The following PDE4B variants were observed in gnomAD, a reference collection of about 807,000 sequenced individuals.
PDE4B encodes 3',5'-cyclic-AMP phosphodiesterase 4B.
A neutral mutation model predicts 82.2 loss-of-function variants in PDE4B; 20 were observed. The observed-to-expected ratio is 0.24, with a 90% CI of 0.17 to 0.35. The LOEUF (loss-of-function observed/expected upper bound fraction) is 0.35. Ranked by LOEUF, PDE4B falls within the 10% of genes least tolerant of loss-of-function variation. The pLI is 1.00. For synonymous variants in PDE4B, 320 were observed against 318.9 expected (o/e 1.00, Z -0.04); for missense variants, 655 against 907.2 (o/e 0.72, Z 3.57).
intron 7 of PDE4B, among the ~76,000 whole-genome samples, chr1:66,290,158 C>T (rs569020505): frequency 6.6e-6 from 1 of 152,158 alleles, no homozygotes; most frequent in African/African-American, 2.4e-5. Context: ...AAAGATTAGG[C>T]AGAGAGATAA....
In PDE4B at chr1:66,156,903, A is replaced by T. The variant is rs548619657; in HGVS notation, c.282-90557A>T. 7.2e-5 allele frequency among the ~76,000 whole-genome samples: 11 copies of T among 152,188 alleles called. No individual in the cohort carries two copies. In the Middle Eastern group the frequency reaches 0.014, roughly 188 times the overall value. On this transcript the variant is annotated intron_variant, in intron 3 of 16. Transcript: ENST00000341517. Reference sequence around the variant, plus strand: ...CTTTTAATGGTCCCGCTCCTCAGTTATTGTCTCTCTTACTCCCAAGGTGAT... The same window carrying T: ...CTTTTAATGGTCCCGCTCCTCAGTTTTTGTCTCTCTTACTCCCAAGGTGAT...
intron 3 of PDE4B, among the ~76,000 whole-genome samples, chr1:66,135,080 G>T (rs1034869591): frequency 3.3e-5 from 5 of 152,182 alleles, no homozygotes; most frequent in Admixed American, 6.5e-5. Context: ...ACATGCCAAG[G>T]TATCAATAAC....
chr1:65,933,569 C>T (rs988058882), intron 3 of PDE4B, among the ~76,000 whole-genome samples: 1 of 152,014 alleles, frequency 6.6e-6, no homozygotes, highest in Non-Finnish European at 1.5e-5. Context: ...TGGCAGGCGC[C>T]TATAATCCCA....
chr1:66,229,903 A>T (rs1442269041), intron 3 of PDE4B, among the ~76,000 whole-genome samples: 5 of 152,232 alleles, frequency 3.3e-5, no homozygotes, highest in African/African-American at 1.2e-4. Context: ...TTTAGCTAGC[A>T]AATGACAGAG....
At chr1:66,048,286 A>G (rs957182577) in intron 3 of PDE4B, among the ~76,000 whole-genome samples, 1 of 151,886 alleles carries the variant, frequency 6.6e-6, no homozygotes, top group African/African-American at 2.4e-5. Flanking sequence ...TCCAAGTCTT[A>G]TAGATGAGCC....
intron 3 of PDE4B, among the ~76,000 whole-genome samples, chr1:66,175,632 C>G (rs547260131): frequency 6.6e-6 from 1 of 152,142 alleles, no homozygotes; most frequent in Admixed American, 6.5e-5. Context: ...CATTTTTCTT[C>G]TCTTGAGATG....
At chr1:65,798,816 A>C (rs927207585) in intron 1 of PDE4B, among the ~76,000 whole-genome samples, 2 of 152,352 alleles carry the variant, frequency 1.3e-5, no homozygotes, top group Non-Finnish European at 2.9e-5. Context: ...AATTAATATT[A>C]CTGTAATTAC....
chr1:66,177,891 T>C (rs1646967725), intron 3 of PDE4B, among the ~76,000 whole-genome samples: 1 of 152,140 alleles, frequency 6.6e-6, no homozygotes, highest in South Asian at 2.1e-4. Flanking sequence ...GCATTGTTTT[T>C]TTTAGTAAAA....
At chr1:65,804,402 C>A (rs1557755592) in intron 1 of PDE4B, among the ~76,000 whole-genome samples, 1 of 152,128 alleles carries the variant, frequency 6.6e-6, no homozygotes, top group Non-Finnish European at 1.5e-5. Flanking sequence ...CTTTGTAAAT[C>A]AGATTGTCAA....
At chr1:65,975,166 T>A (rs892664853) in intron 3 of PDE4B, among the ~76,000 whole-genome samples, 5 of 152,204 alleles carry the variant, frequency 3.3e-5, no homozygotes, top group Admixed American at 3.3e-4. Flanking sequence ...TAGATGGAAA[T>A]GAGAAACTTA....
chr1:66,056,548 TATC>T (rs1298691294), intron 3 of PDE4B, among the ~76,000 whole-genome samples: 7 of 152,160 alleles, frequency 4.6e-5, no homozygotes, highest in African/African-American at 1.7e-4. Flanking sequence ...TCTATCTATC[TATC>T]TATCTATATC....
intron 7 of PDE4B, among the ~76,000 whole-genome samples, chr1:66,270,444 C>T (rs538268174): frequency 6.6e-6 from 1 of 152,286 alleles, no homozygotes; most frequent in South Asian, 2.1e-4. Flanking sequence ...ACAAGAGGGT[C>T]AGTGAGTTAT....
chr1:66,147,329 G>T (rs1646295494), intron 3 of PDE4B, among the ~76,000 whole-genome samples: 1 of 152,100 alleles, frequency 6.6e-6, no homozygotes, highest in South Asian at 2.1e-4. Flanking sequence ...GTAAGGTCAG[G>T]AATACTATCA....
intron 1 of PDE4B, among the ~76,000 whole-genome samples, chr1:65,910,338 A>G (rs979181468): frequency 6.6e-6 from 1 of 152,198 alleles, no homozygotes; most frequent in Non-Finnish European, 1.5e-5. Flanking sequence ...CTTTTCTCAA[A>G]GTATCAAAAC....
Position 66,241,248 on chromosome 1 carries a change from A to G in PDE4B, c.282-6212A>G, listed in dbSNP as rs143030803. ...CCTTCGTCTAGGTCGTGGGCTCTATATTAGGCTGGCTGTGTTTTTCACAGC... is the reference window on the plus strand; with the variant it reads ...CCTTCGTCTAGGTCGTGGGCTCTATGTTAGGCTGGCTGTGTTTTTCACAGC... On this transcript the variant is annotated intron_variant, in intron 3 of 16. Transcript: ENST00000341517. Among the ~76,000 whole-genome samples the G allele has an allele frequency of 9.2e-5, 14 of 152,322 alleles. No homozygotes were observed. The East Asian group carries it at 2.5e-3, about 27-fold the overall frequency.
chr1:66,181,764 G>A (rs535508409), intron 3 of PDE4B, among the ~76,000 whole-genome samples: 20 of 152,226 alleles, frequency 1.3e-4, no homozygotes, highest in African/African-American at 4.6e-4. Context: ...TGAGATTGCA[G>A]TCAGTTCCCT....
At chr1:66,117,749 T>A (rs1645625906) in intron 3 of PDE4B, among the ~76,000 whole-genome samples, 1 of 152,204 alleles carries the variant, frequency 6.6e-6, no homozygotes, top group Non-Finnish European at 1.5e-5. Flanking sequence ...CCATCTGAGT[T>A]TTCTTTGGTT....
chr1:65,924,053 T>C (rs552762793), intron 3 of PDE4B, among the ~76,000 whole-genome samples: 1 of 148,866 alleles, frequency 6.7e-6, no homozygotes, highest in Non-Finnish European at 1.5e-5. Flanking sequence ...GATAATTGTT[T>C]CTAATCTGCC....
At chr1:66,092,997 C>T (rs896441995) in intron 3 of PDE4B, among the ~76,000 whole-genome samples, 1 of 152,020 alleles carries the variant, frequency 6.6e-6, no homozygotes, top group African/African-American at 2.4e-5. Flanking sequence ...ACAATTTAAC[C>T]TTTGTAGTAT....
Sources: gnomAD v4.1 joint callset for allele counts (sites outside exome capture counted in the v4.1 genomes callset) on GRCh38, gnomAD v4.1.1 for gene constraint, MANE v1.5 for transcripts, NCBI Gene and HGNC (gene_info 2026-07-23, HGNC 2026-07-21) for gene names.